POFUT1: variants seen among roughly 807,000 people sequenced by gnomAD.
POFUT1 encodes protein O-fucosyltransferase 1.
In POFUT1, 16 loss-of-function variants were observed where a neutral mutation model predicts 42.4. That is an observed-to-expected ratio of 0.38 (90% CI 0.26 to 0.57). The LOEUF (loss-of-function observed/expected upper bound fraction) is 0.57, where lower values mean the gene tolerates loss of function less well. POFUT1 is among the 20% of genes least tolerant of loss of function. The pLI is 0.71. For synonymous variants in POFUT1, 206 were observed against 205.4 expected, an observed-to-expected ratio of 1.00 and a Z score of -0.03; for missense variants, 470 against 504.6, an observed-to-expected ratio of 0.93 and a Z score of 0.66.
chr20:32,224,082 A>G (rs1337919656), intron 4 of POFUT1, among the ~76,000 whole-genome samples: 1 of 152,214 alleles, frequency 6.6e-6, no homozygotes, highest in African/African-American at 2.4e-5. Context: ...ATGCACAATT[A>G]TGTACATATA....
intron 4 of POFUT1, chr20:32,222,681 A>G: frequency 1.0e-6 from 1 of 985,270 alleles, no homozygotes; most frequent in East Asian, 1.1e-4. Flanking sequence ...AGAGGATAAG[A>G]GGTATTTCTT....
chr20:32,213,945 G>A (rs977435995), intron 2 of POFUT1, among the ~76,000 whole-genome samples: 1 of 149,498 alleles, frequency 6.7e-6, no homozygotes, highest in Admixed American at 6.6e-5. Flanking sequence ...GGCCCCTGGG[G>A]CTAACCCTGT....
At chr20:32,230,676 C>G in intron 5 of POFUT1, 143 bp from the exon 6 acceptor site, 1 of 892,572 alleles carries the variant, frequency 1.1e-6, no homozygotes, top group East Asian at 2.5e-5. Flanking sequence ...GCCTGGGTGA[C>G]AGAGTGAGAC....
chr20:32,215,323 C>G lies in POFUT1; in HGVS notation c.301C>G (p.Arg101Gly). ...GCTGGAGCCCCTCCAGGCTTACCAT[C>G]GGGTCATCAGCTTGGAGGATTTCAT... Reference protein sequence around the residue: ...FKLEPLQAYHRVISLEDFMEK... With the variant: ...FKLEPLQAYHGVISLEDFMEK... The change falls in exon 3 of 7, where the codon CGG (arginine) becomes GGG (glycine). Residue 101 changes from arginine (R) to glycine (G), a missense_variant. Arg to Gly is a moderately radical substitution (Grantham distance 125, BLOSUM62 -2). Coordinates refer to ENST00000375749, the MANE Select transcript of POFUT1 (RefSeq NM_015352.2). 6.2e-7 allele frequency: 1 copy of G among 1,614,076 alleles called. No homozygotes were observed.
intron 4 of POFUT1, among the ~76,000 whole-genome samples, chr20:32,226,639 A>G (rs908639837): frequency 2.0e-5 from 3 of 152,046 alleles, no homozygotes; most frequent in African/African-American, 7.2e-5. Context: ...CCAACTACTA[A>G]TCTCTTCTCC....
rs1461608731 is a variant in POFUT1 at position 32,230,914 on chromosome 20, C to T, written c.831C>T (p.Pro277=). Residue 277 remains proline (P), a synonymous_variant, in exon 6 of 7, where the codon CCC becomes CCT. Coordinates refer to ENST00000375749, the MANE Select transcript of POFUT1 (RefSeq NM_015352.2). ...GCTACAGCCGCAGCACAGCGGCCCC[C>T]CTCACGATGACTATGTGCCTGCCTG... ...CVGYSRSTAA[P]LTMTMCLPDL... is the part of the protein sequence containing the mutation. 18 of 1,614,090 alleles carry T rather than the reference C, an allele frequency of 1.1e-5. No homozygotes were observed. The highest frequency in any genetic ancestry group is 3.3e-5 in the Admixed American group (2 of 60,004).
rs2047399852 is a variant in POFUT1, at chr20:32,223,372, T to G, written c.543-4891T>G. ...ATCAGCCTTAGCCTCTTGCTGCTTG[T>G]TGGGTCTGAGCTGATGTTGTCCCAC... On this transcript the variant is annotated intron_variant, in intron 4 of 6. Coordinates refer to ENST00000375749, the MANE Select transcript of POFUT1 (RefSeq NM_015352.2). 3 of 985,276 alleles carry G rather than the reference T, an allele frequency of 3.0e-6. No individual in the cohort carries two copies. In the Admixed American group the frequency reaches 1.8e-4, roughly 61 times the overall value. The allele number at this position is 985,276 out of a possible 1,614,324, so 61.0% of individuals were successfully genotyped here.
chr20:32,216,090 A>G (rs1383370364), intron 3 of POFUT1, among the ~76,000 whole-genome samples: 1 of 152,236 alleles, frequency 6.6e-6, no homozygotes, highest in Non-Finnish European at 1.5e-5. Context: ...CACTTTGGAA[A>G]TAAACCCCCA....
Position 32,230,909 on chromosome 20 carries a change from G to T in POFUT1, c.826G>T (p.Ala276Ser). The change falls in exon 6 of 7, where the codon GCC (alanine) becomes TCC (serine). Residue 276 changes from alanine (A) to serine (S), a missense_variant. Physicochemically the swap from Ala to Ser is moderately conservative, Grantham distance 99. Transcript: ENST00000375749. ...TGTGGGCTACAGCCGCAGCACAGCG[G>T]CCCCCCTCACGATGACTATGTGCCT... ...QCVGYSRSTAAPLTMTMCLPD... is the reference protein window; with the variant it reads ...QCVGYSRSTASPLTMTMCLPD... 1 of 1,614,172 alleles carries T rather than the reference G, an allele frequency of 6.2e-7. No individual in the cohort carries two copies. The highest frequency in any genetic ancestry group is 8.5e-7 in the Non-Finnish European group (1 of 1,180,036).
chr20:32,230,919 C>T lies in POFUT1; in HGVS notation c.836C>T (p.Thr279Met), dbSNP rs148668069. 3.0e-5 allele frequency: 49 copies of T among 1,614,218 alleles called. No homozygotes were observed. In the African/African-American group the frequency reaches 4.0e-4, roughly 13 times the overall value. The part of the protein sequence containing the change: ...GYSRSTAAPL[T>M]MTMCLPDLKE... ...AGCCGCAGCACAGCGGCCCCCCTCA[C>T]GATGACTATGTGCCTGCCTGACCTG... The change falls in exon 6 of 7, where the codon ACG becomes ATG. Residue 279 changes from threonine (T) to methionine (M), a missense_variant. Physicochemically the swap from Thr to Met is moderately conservative, Grantham distance 81. Transcript: ENST00000375749.
At position 32,225,592 on chromosome 20, in the gene POFUT1, G is replaced by A. The variant is rs138689934; in HGVS notation, c.543-2671G>A. Among the ~76,000 whole-genome samples, 1,345 of 152,196 alleles carry A rather than the reference G, an allele frequency of 8.8e-3. 12 individuals are homozygous for A. Among genetic ancestry groups the A allele is most frequent in the African/African-American group, 0.029 (1,215 of 41,522 alleles). On this transcript the variant is annotated intron_variant, in intron 4 of 6. Coordinates refer to ENST00000375749, the MANE Select transcript of POFUT1 (RefSeq NM_015352.2). ...CAGCCTCAACCTTCCAGGCTCAAGC[G>A]ATTTTCCCATGTAGCCTCCTAGGTA...
In POFUT1 at chr20:32,234,786, G is replaced by A. The variant is rs1000054382; in HGVS notation, c.*125G>A. The stretch of plus-strand genomic sequence containing the variant: ...ACTCCTCTTCTCACCTGCCAAAGAT[G>A]GAGAAGAGTGCCAGGGACCCCTCAA... On this transcript the variant is annotated 3_prime_UTR_variant, in exon 7 of 7. Coordinates refer to ENST00000375749, the MANE Select transcript of POFUT1 (RefSeq NM_015352.2). 10 of 813,048 alleles carry A rather than the reference G, an allele frequency of 1.2e-5. No individual in the cohort carries two copies. Among genetic ancestry groups the A allele is most frequent in the Non-Finnish European group, 1.7e-5 (9 of 527,982 alleles). The allele number at this position is 813,048 out of a possible 1,614,324, so 50.4% of individuals were successfully genotyped here.
Position 32,207,901 on chromosome 20 carries a change from C to T in POFUT1, c.-41C>T, listed in dbSNP as rs750706180. On this transcript the variant is annotated 5_prime_UTR_variant, in exon 1 of 7. Transcript: ENST00000375749. ...GGGCGCTCGCGTCCCTCCTTCCCTCCCCGACTGTGCGCCGCGGCTGGCTCG... is the reference window on the plus strand; with the variant it reads ...GGGCGCTCGCGTCCCTCCTTCCCTCTCCGACTGTGCGCCGCGGCTGGCTCG... The T allele has an allele frequency of 7.1e-6, 11 of 1,550,328 alleles. No homozygotes were observed. Among genetic ancestry groups the T allele is most frequent in the East Asian group, 2.4e-5 (1 of 41,420 alleles).
chr20:32,207,897 C>G lies in POFUT1; in HGVS notation c.-45C>G, dbSNP rs767656405. 6.6e-7 allele frequency: 1 copy of G among 1,507,158 alleles called. No homozygotes were observed. Among genetic ancestry groups the G allele is most frequent in the African/African-American group, 1.4e-5 (1 of 69,540 alleles). The allele number at this position is 1,507,158 out of a possible 1,614,324, so 93.4% of individuals were successfully genotyped here. A position where few individuals can be genotyped will look rare whatever the true frequency, so the allele number is the denominator to read the frequency against. ...GGGCGGGCGCTCGCGTCCCTCCTTC[C>G]CTCCCCGACTGTGCGCCGCGGCTGG... On this transcript the variant is annotated 5_prime_UTR_variant, in exon 1 of 7. Coordinates refer to ENST00000375749, the MANE Select transcript of POFUT1 (RefSeq NM_015352.2).
At chr20:32,208,777 G>A (rs2047309808) in intron 1 of POFUT1, among the ~76,000 whole-genome samples, 1 of 152,110 alleles carries the variant, frequency 6.6e-6, no homozygotes, top group Non-Finnish European at 1.5e-5. Context: ...CGAGGCTGCA[G>A]TGAGCTCTGA....
At chr20:32,219,951 C>G (rs969381204) in intron 4 of POFUT1, among the ~76,000 whole-genome samples, 1 of 152,168 alleles carries the variant, frequency 6.6e-6, no homozygotes, top group Non-Finnish European at 1.5e-5. Context: ...AACGAATAAC[C>G]TTTATTCTTG....
Position 32,237,802 on chromosome 20 carries a change from G to A in POFUT1, c.*3141G>A, listed in dbSNP as rs1437490280. ...TTAACAGGGTTGCAGGCGAGAGACT[G>A]GGGTGCTGGGCTCCCCTAGACTAGG... On this transcript the variant is annotated 3_prime_UTR_variant, in exon 7 of 7. Transcript: ENST00000375749. 1.9e-6 allele frequency: 1 copy of A among 534,684 alleles called. No homozygotes were observed. 33.1% of individuals were successfully genotyped at this position (534,684 alleles called of 1,614,324 possible). A position where few individuals can be genotyped will look rare whatever the true frequency, so the allele number is the denominator to read the frequency against.
intron 4 of POFUT1, chr20:32,217,519 G>A: frequency 3.0e-6 from 3 of 985,560 alleles, no homozygotes; most frequent in Non-Finnish European, 3.6e-6. Context: ...GGCCAAGGTG[G>A]GTGGATCACT....
At position 32,216,699 on chromosome 20, in the gene POFUT1, T is replaced by C. The variant is rs778360418; in HGVS notation, c.520T>C (p.Tyr174His). ...LFTGISFSASYREQWSQRFSP... is the reference protein window; with the variant it reads ...LFTGISFSASHREQWSQRFSP... ...TACAGGCATTTCCTTCAGTGCTTCC[T>C]ACAGAGAACAATGGAGCCAGAGGTA... The change falls in exon 4 of 7, where the codon TAC becomes CAC. Residue 174 changes from tyrosine to histidine, a missense_variant. Coordinates refer to ENST00000375749, the MANE Select transcript of POFUT1 (RefSeq NM_015352.2). The C allele has an allele frequency of 5.0e-6, 8 of 1,611,928 alleles. No homozygotes were observed. Among genetic ancestry groups the C allele is most frequent in the Non-Finnish European group, 6.8e-6 (8 of 1,178,078 alleles).
Sources: allele counts gnomAD v4.1 joint callset (sites outside exome capture counted in the v4.1 genomes callset), GRCh38; gene constraint gnomAD v4.1.1; transcripts MANE v1.5; gene names NCBI Gene and HGNC (gene_info 2026-07-23, HGNC 2026-07-21).